Variants in UNC5D observed in about 807,000 individuals in gnomAD.
UNC5D encodes the protein netrin receptor UNC5D.
In UNC5D, 39 loss-of-function variants were observed where a neutral mutation model predicts 105.4. That is an observed-to-expected ratio of 0.37 (90% CI 0.29 to 0.48). UNC5D has a LOEUF of 0.48. Among genes scored for constraint, UNC5D ranks in the 20% least tolerant of loss-of-function variants. The probability of loss-of-function intolerance (pLI) is 0.98; values close to 1 mark genes in which losing one functional copy is unlikely to be tolerated. For synonymous variants in UNC5D, 452 were observed against 450.4 expected (o/e 1.00, Z -0.04); for missense variants, 991 against 1,202.4 (o/e 0.82, Z 2.60).
At chr8:35,631,344 C>T (rs1193241359) in intron 4 of UNC5D, among the ~76,000 whole-genome samples, 1 of 151,858 alleles carries the variant, frequency 6.6e-6, no homozygotes, top group Non-Finnish European at 1.5e-5. Context: ...GGCCTGACTG[C>T]TTTGTTTTAT....
At chr8:35,685,273 T>C (rs1825929954) in intron 6 of UNC5D, among the ~76,000 whole-genome samples, 1 of 152,244 alleles carries the variant, frequency 6.6e-6, no homozygotes, top group South Asian at 2.1e-4. Context: ...ACATTTGGTC[T>C]ATGCTTGCCT....
At chr8:35,606,274 C>A (rs907762576) in intron 4 of UNC5D, among the ~76,000 whole-genome samples, 12 of 152,146 alleles carry the variant, frequency 7.9e-5, no homozygotes, top group African/African-American at 2.9e-4. Context: ...ACATGAGCCA[C>A]CGCACCTGAC....
chr8:35,418,874 G>A (rs765215261), intron 1 of UNC5D, among the ~76,000 whole-genome samples: 1 of 152,288 alleles, frequency 6.6e-6, no homozygotes, highest in Admixed American at 6.5e-5. Flanking sequence ...CTGTTTTCAA[G>A]GTTGGAAGGA....
At chr8:35,438,676 C>T (rs575753581) in intron 1 of UNC5D, among the ~76,000 whole-genome samples, 6 of 151,806 alleles carry the variant, frequency 4.0e-5, no homozygotes, top group African/African-American at 7.2e-5. Context: ...TTCTGGCCTT[C>T]GCATAAATTT....
At chr8:35,776,788 C>T (rs1802265968) in intron 16 of UNC5D, among the ~76,000 whole-genome samples, 1 of 152,162 alleles carries the variant, frequency 6.6e-6, no homozygotes, top group African/African-American at 2.4e-5. Context: ...TGGCAAATCA[C>T]AATAGCACAA....
At chr8:35,596,455 C>G (rs898828364) in intron 4 of UNC5D, among the ~76,000 whole-genome samples, 4 of 152,048 alleles carry the variant, frequency 2.6e-5, no homozygotes, top group African/African-American at 9.7e-5. Flanking sequence ...TAAATTTAGG[C>G]CCGTGAAGCC....
intron 1 of UNC5D, among the ~76,000 whole-genome samples, chr8:35,283,797 C>T (rs968645578): frequency 1.5e-4 from 8 of 54,284 alleles, no homozygotes; most frequent in South Asian, 1.3e-3. Flanking sequence ...AGTGAGACTC[C>T]GAATAAAAAA....
At chr8:35,490,129 T>A (rs567198546) in intron 1 of UNC5D, among the ~76,000 whole-genome samples, 1 of 152,334 alleles carries the variant, frequency 6.6e-6, no homozygotes, top group East Asian at 1.9e-4. Flanking sequence ...AACCAGGGAT[T>A]TCCTTATTTA....
chr8:35,655,142 A>C (rs1357289685), intron 4 of UNC5D, among the ~76,000 whole-genome samples: 1 of 152,202 alleles, frequency 6.6e-6, no homozygotes, highest in Non-Finnish European at 1.5e-5. Flanking sequence ...TGTGTAGGAA[A>C]ATTTTAAAGG....
chr8:35,464,157 T>C (rs547351904), intron 1 of UNC5D, among the ~76,000 whole-genome samples: 1 of 151,968 alleles, frequency 6.6e-6, no homozygotes, highest in Non-Finnish European at 1.5e-5. Flanking sequence ...CGAAACCCCA[T>C]CTCTACTAAA....
intron 14 of UNC5D, among the ~76,000 whole-genome samples, chr8:35,762,948 T>C (rs1050149260): frequency 6.6e-6 from 1 of 152,178 alleles, no homozygotes; most frequent in African/African-American, 2.4e-5. Flanking sequence ...GGAGTCAAAA[T>C]GAAAACATTT....
At chr8:35,660,526 T>C (rs144254435) in intron 4 of UNC5D, among the ~76,000 whole-genome samples, 161 of 152,306 alleles carry the variant, frequency 1.1e-3, no homozygotes, top group African/African-American at 3.8e-3. Flanking sequence ...CACCCAGCAT[T>C]TAGTTTTGAT....
intron 2 of UNC5D, among the ~76,000 whole-genome samples, chr8:35,557,187 C>A (rs370488574): frequency 1.8e-3 from 269 of 152,280 alleles, no homozygotes; most frequent in African/African-American, 6.2e-3. Flanking sequence ...TGTCAGACAA[C>A]ACTATGAAGT....
intron 1 of UNC5D, among the ~76,000 whole-genome samples, chr8:35,284,164 C>T (rs1384694128): frequency 6.6e-6 from 1 of 152,084 alleles, no homozygotes; most frequent in Non-Finnish European, 1.5e-5. Flanking sequence ...GTATGCTTTT[C>T]TCTGAAAAAA....
At chr8:35,450,986 T>A (rs1436206230) in intron 1 of UNC5D, among the ~76,000 whole-genome samples, 1 of 152,060 alleles carries the variant, frequency 6.6e-6, no homozygotes, top group Non-Finnish European at 1.5e-5. Flanking sequence ...TGATTTAGGA[T>A]GAGTTTATTG....
chr8:35,716,386 G>A (rs999997196), intron 8 of UNC5D, among the ~76,000 whole-genome samples: 3 of 152,206 alleles, frequency 2.0e-5, no homozygotes, highest in Non-Finnish European at 4.4e-5. Context: ...GTTCCTGAGA[G>A]TAGTCACACA....
chr8:35,271,574 AG>A (rs1340610504), intron 1 of UNC5D, among the ~76,000 whole-genome samples: 2 of 145,814 alleles, frequency 1.4e-5, no homozygotes, highest in Non-Finnish European at 3.0e-5. Flanking sequence ...ATATTTATAC[AG>A]GCATACATAT....
chr8:35,445,499 T>A (rs1348949929), intron 1 of UNC5D, among the ~76,000 whole-genome samples: 2 of 152,056 alleles, frequency 1.3e-5, no homozygotes, highest in African/African-American at 4.8e-5. Flanking sequence ...TATGGAACAG[T>A]CTTAAGGGGT....
At chr8:35,709,266 G>GA (rs2131470833) in intron 8 of UNC5D, among the ~76,000 whole-genome samples, 1 of 152,226 alleles carries the variant, frequency 6.6e-6, no homozygotes, top group Admixed American at 6.5e-5. Flanking sequence ...GGAAGGACAG[G>GA]AAAAAACCAG....
Sources: gnomAD v4.1 joint callset for allele counts (sites outside exome capture counted in the v4.1 genomes callset) on GRCh38, gnomAD v4.1.1 for gene constraint, MANE v1.5 for transcripts, NCBI Gene and HGNC (gene_info 2026-07-23, HGNC 2026-07-21) for gene names.